Variants in NELL1 observed in about 807,000 individuals in gnomAD.
NELL1 encodes protein kinase C-binding protein NELL1.
NELL1 carries 76 observed loss-of-function variants against 107.4 expected under a neutral mutation model. That is an observed-to-expected ratio of 0.71 (90% confidence interval 0.59 to 0.86). The LOEUF is 0.86. NELL1 is among the 40% of genes least tolerant of loss of function. NELL1 has a pLI of 0.00. For missense variants in NELL1, 1,024 were observed against 1,005.5 expected, an observed-to-expected ratio of 1.02 and a Z score of -0.25; for synonymous variants, 353 against 341.2, an observed-to-expected ratio of 1.03 and a Z score of -0.38.
At chr11:21,323,658 C>T (rs1202095276) in intron 14 of NELL1, among the ~76,000 whole-genome samples, 1 of 152,118 alleles carries the variant, frequency 6.6e-6, no homozygotes, top group African/African-American at 2.4e-5. Context: ...TCAAAAAAAG[C>T]CTTTTCTGAA....
At chr11:21,492,055 A>C (rs1186020457) in intron 15 of NELL1, among the ~76,000 whole-genome samples, 3 of 152,174 alleles carry the variant, frequency 2.0e-5, no homozygotes, top group African/African-American at 7.2e-5. Flanking sequence ...CAAGGAAAAA[A>C]CAAACAATCC....
intron 2 of NELL1, among the ~76,000 whole-genome samples, chr11:20,781,561 T>A (rs1320252314): frequency 1.3e-5 from 2 of 152,178 alleles, no homozygotes; most frequent in African/African-American, 4.8e-5. Flanking sequence ...TGGCTGTCTT[T>A]TCTTTGGGCC....
intron 15 of NELL1, among the ~76,000 whole-genome samples, chr11:21,476,026 T>G (rs1212328765): frequency 6.6e-6 from 1 of 152,200 alleles, no homozygotes; most frequent in African/African-American, 2.4e-5. Flanking sequence ...TCATCTGAGT[T>G]GTACATGTAC....
At chr11:21,104,624 C>T (rs545302429) in intron 12 of NELL1, among the ~76,000 whole-genome samples, 5 of 152,282 alleles carry the variant, frequency 3.3e-5, no homozygotes, top group East Asian at 1.9e-4. Context: ...ACCAAAATGT[C>T]GTTTGAATTT....
intron 12 of NELL1, among the ~76,000 whole-genome samples, chr11:21,098,389 G>C (rs1854707083): frequency 6.6e-6 from 1 of 152,100 alleles, no homozygotes; most frequent in African/African-American, 2.4e-5. Context: ...ACGGTGAAAG[G>C]CATGGCCAAG....
intron 15 of NELL1, among the ~76,000 whole-genome samples, chr11:21,522,619 A>G (rs1855754345): frequency 6.6e-6 from 1 of 152,072 alleles, no homozygotes; most frequent in Non-Finnish European, 1.5e-5. Flanking sequence ...GGGTACATGT[A>G]CATCCCGTGA....
chr11:21,055,706 T>C (rs540772998), intron 12 of NELL1, among the ~76,000 whole-genome samples: 1 of 152,254 alleles, frequency 6.6e-6, no homozygotes, highest in South Asian at 2.1e-4. Context: ...TGGTTAAACA[T>C]GGCCAAGGTG....
intron 15 of NELL1, among the ~76,000 whole-genome samples, chr11:21,430,284 T>C (rs1344750141): frequency 6.6e-6 from 1 of 152,222 alleles, no homozygotes; most frequent in Admixed American, 6.5e-5. Flanking sequence ...TTTTATATTT[T>C]GACATTTTGA....
rs565281850 is a variant in NELL1 at position 20,771,580 on chromosome 11, AG to A, written c.185-12099del. Among the ~76,000 whole-genome samples, 458 of 152,290 alleles carry A rather than the reference AG, an allele frequency of 3.0e-3. 4 individuals carry two copies. The highest frequency in any genetic ancestry group is 0.011 in the African/African-American group (443 of 41,570). ...GGGAAGCCTAGATTCCTGATAGAAA[AG>A]TCATATGATTAAGATACCCCAAGAT... On this transcript the variant is annotated intron_variant, in intron 2 of 19. Coordinates refer to ENST00000357134, the MANE Select transcript of NELL1 (RefSeq NM_006157.5).
At chr11:21,245,630 C>T (rs576452983) in intron 14 of NELL1, among the ~76,000 whole-genome samples, 38 of 152,272 alleles carry the variant, frequency 2.5e-4, no homozygotes, top group African/African-American at 8.9e-4. Flanking sequence ...ATCTGTTTCC[C>T]TCACTGGCGT....
intron 13 of NELL1, among the ~76,000 whole-genome samples, chr11:21,194,745 A>C (rs1323067565): frequency 6.6e-6 from 1 of 152,190 alleles, no homozygotes; most frequent in Non-Finnish European, 1.5e-5. Context: ...ATGCATATGA[A>C]AGTTTGAGAA....
chr11:20,962,671 G>C (rs1851313476), intron 12 of NELL1, among the ~76,000 whole-genome samples: 1 of 152,194 alleles, frequency 6.6e-6, no homozygotes, highest in Non-Finnish European at 1.5e-5. Flanking sequence ...CTTTCTCTAT[G>C]AGGCCTTATT....
At chr11:21,423,268 G>A (rs923760392) in intron 15 of NELL1, among the ~76,000 whole-genome samples, 2 of 152,094 alleles carry the variant, frequency 1.3e-5, no homozygotes, top group African/African-American at 4.8e-5. Context: ...TACTCGGGAG[G>A]CTGAGGCAGG....
At chr11:20,912,673 C>G (rs1564963424) in intron 5 of NELL1, among the ~76,000 whole-genome samples, 1 of 152,082 alleles carries the variant, frequency 6.6e-6, no homozygotes, top group Non-Finnish European at 1.5e-5. Context: ...GGTCTGAAAC[C>G]TTTCCCTTAC....
chr11:21,088,059 C>CTGTGTG (rs56900585), intron 12 of NELL1, among the ~76,000 whole-genome samples: 2,966 of 136,008 alleles, frequency 0.022, 46 homozygotes, highest in South Asian at 0.031. Context: ...CCCAGTAGCT[C>CTGTGTG]TGTGTGTGTG....
intron 13 of NELL1, among the ~76,000 whole-genome samples, chr11:21,164,577 T>G (rs560400786): frequency 1.3e-5 from 2 of 152,334 alleles, no homozygotes; most frequent in African/African-American, 4.8e-5. Flanking sequence ...ACATTTTTAA[T>G]CTATTATGGA....
chr11:21,110,390 C>G (rs543898205), intron 12 of NELL1, among the ~76,000 whole-genome samples: 4 of 152,164 alleles, frequency 2.6e-5, no homozygotes, highest in Non-Finnish European at 5.9e-5. Flanking sequence ...TCTAACCATC[C>G]CTTGTTTGAT....
intron 2 of NELL1, among the ~76,000 whole-genome samples, chr11:20,753,039 T>C (rs1856178599): frequency 6.6e-6 from 1 of 152,218 alleles, no homozygotes; most frequent in Admixed American, 6.5e-5. Context: ...TACAGTACAG[T>C]ATAAAGCAAA....
chr11:20,766,481 C>T (rs1856530919), intron 2 of NELL1, among the ~76,000 whole-genome samples: 1 of 152,152 alleles, frequency 6.6e-6, no homozygotes, highest in Admixed American at 6.5e-5. Context: ...ATAATTTTGC[C>T]ACAGCATCCT....
Sources: gnomAD v4.1 joint callset for allele counts (sites outside exome capture counted in the v4.1 genomes callset) on GRCh38, gnomAD v4.1.1 for gene constraint, MANE v1.5 for transcripts, NCBI Gene and HGNC (gene_info 2026-07-23, HGNC 2026-07-21) for gene names.